LANCL2: variants seen among roughly 807,000 people sequenced by gnomAD.
LANCL2 encodes the protein lanC-like protein 2.
A neutral mutation model predicts 56.9 loss-of-function variants in LANCL2; 33 were observed. The observed-to-expected ratio is 0.58, with a 90% CI of 0.44 to 0.78. LANCL2 has a LOEUF of 0.78. Ranked by LOEUF, LANCL2 falls within the 30% of genes least tolerant of loss-of-function variation. LANCL2 has a pLI of 0.00. For missense variants in LANCL2, 562 were observed against 580.2 expected (o/e 0.97, Z 0.32); for synonymous variants, 233 against 228.2 (o/e 1.02, Z -0.19).
intron 1 of LANCL2, among the ~76,000 whole-genome samples, chr7:55,386,935 C>T (rs1790132204): frequency 6.6e-6 from 1 of 152,124 alleles, no homozygotes; most frequent in South Asian, 2.1e-4. Flanking sequence ...TCAGCTGAAT[C>T]CCAGGGAAAT....
In LANCL2 at chr7:55,366,070, G is replaced by C; in HGVS notation, c.45G>C (p.Gly15=). ...MSKRLKLHLG[G]EAEMEERAFV... is the part of the protein sequence containing the mutation. Reference sequence around the variant, plus strand: ...AGAGGCTGAAGCTCCACCTGGGAGGGGAGGCAGAAATGGAGGAACGGGCGT... The same window carrying C: ...AGAGGCTGAAGCTCCACCTGGGAGGCGAGGCAGAAATGGAGGAACGGGCGT... The change falls in exon 1 of 9, where the codon GGG becomes GGC. Residue 15 remains glycine, a synonymous_variant. Coordinates refer to ENST00000254770, the MANE Select transcript of LANCL2 (RefSeq NM_018697.4). 1 of 1,528,626 alleles carries C rather than the reference G, an allele frequency of 6.5e-7. No homozygotes were observed. The highest frequency in any genetic ancestry group is 8.8e-7 in the Non-Finnish European group (1 of 1,133,726). The allele number at this position is 1,528,626 out of a possible 1,614,324, so 94.7% of individuals were successfully genotyped here. A position where few individuals can be genotyped will look rare whatever the true frequency, so the allele number is the denominator to read the frequency against.
intron 5 of LANCL2, among the ~76,000 whole-genome samples, chr7:55,406,454 C>T (rs1195479801): frequency 1.3e-5 from 2 of 152,162 alleles, no homozygotes; most frequent in East Asian, 3.9e-4. Context: ...TCCCGCTTAG[C>T]CCTTAGGGCA....
At chr7:55,367,549 A>C (rs980820882) in intron 1 of LANCL2, among the ~76,000 whole-genome samples, 2 of 152,198 alleles carry the variant, frequency 1.3e-5, no homozygotes, top group Non-Finnish European at 2.9e-5. Context: ...ACATGGCAAA[A>C]CACCGTCTCT....
At chr7:55,385,110 CTG>C (rs1367414483) in intron 1 of LANCL2, among the ~76,000 whole-genome samples, 3 of 152,122 alleles carry the variant, frequency 2.0e-5, no homozygotes, top group East Asian at 1.9e-4. Flanking sequence ...TCGCTTGACT[CTG>C]TGAGGCAGAC....
chr7:55,393,800 A>G (rs1583750872), intron 2 of LANCL2, among the ~76,000 whole-genome samples: 1 of 152,354 alleles, frequency 6.6e-6, no homozygotes, highest in East Asian at 1.9e-4. Context: ...ATAAACCCAG[A>G]CAGACATGGA....
chr7:55,373,647 G>A (rs1239543068), intron 1 of LANCL2, among the ~76,000 whole-genome samples: 1 of 152,140 alleles, frequency 6.6e-6, no homozygotes, highest in Non-Finnish European at 1.5e-5. Context: ...TAAGAACGCA[G>A]TAGGTAGTAA....
intron 1 of LANCL2, among the ~76,000 whole-genome samples, chr7:55,386,600 T>G (rs1183691433): frequency 1.3e-5 from 2 of 152,222 alleles, no homozygotes; most frequent in Non-Finnish European, 1.5e-5. Flanking sequence ...CTACATGTTC[T>G]GGACCCTGAA....
At chr7:55,368,212 A>C (rs1789896990) in intron 1 of LANCL2, among the ~76,000 whole-genome samples, 2 of 152,236 alleles carry the variant, frequency 1.3e-5, no homozygotes, top group Non-Finnish European at 1.5e-5. Flanking sequence ...TTCAACTCAA[A>C]GTTTTGAAAT....
At chr7:55,375,258 T>G (rs1789987988) in intron 1 of LANCL2, among the ~76,000 whole-genome samples, 1 of 152,232 alleles carries the variant, frequency 6.6e-6, no homozygotes, top group Non-Finnish European at 1.5e-5. Context: ...CAGTTGTATT[T>G]CCTCAAACTA....
chr7:55,391,772 A>C (rs779409310), intron 1 of LANCL2, 21 bp from the exon 2 acceptor site: 1 of 1,285,074 alleles, frequency 7.8e-7, no homozygotes. Flanking sequence ...AGTTAAAGTT[A>C]TCTCTTCTTT....
chr7:55,389,788 GA>G (rs1472180065), intron 1 of LANCL2, among the ~76,000 whole-genome samples: 1 of 152,204 alleles, frequency 6.6e-6, no homozygotes, highest in South Asian at 2.1e-4. Flanking sequence ...TATAAAAGGG[GA>G]AAAGGCAGTT....
At chr7:55,378,062 GT>G (rs1562857094) in intron 1 of LANCL2, among the ~76,000 whole-genome samples, 1 of 152,168 alleles carries the variant, frequency 6.6e-6, no homozygotes, top group African/African-American at 2.4e-5. Context: ...GTAAGCCTTG[GT>G]TTTCTTACCT....
In LANCL2 at chr7:55,415,621, C is replaced by CTTTTTTTTTTTTTTTT. The variant is rs71031852; in HGVS notation, c.1008+3540_1008+3541insTTTTTTTTTTTTTTTT. ...CCATAGTTTATCATTGTTTTTCTTT[C>CTTTTTTTTTTTTTTTT]TTTTTTTTGAGACACAGTGTCGCTC... On this transcript the variant is annotated intron_variant, in intron 6 of 8. Coordinates refer to ENST00000254770, the MANE Select transcript of LANCL2 (RefSeq NM_018697.4). Among the ~76,000 whole-genome samples, 28 of 111,784 alleles carry CTTTTTTTTTTTTTTTT rather than the reference C, an allele frequency of 2.5e-4. 8 individuals are homozygous for CTTTTTTTTTTTTTTTT. Among genetic ancestry groups the CTTTTTTTTTTTTTTTT allele is most frequent in the East Asian group, 5.6e-4 (2 of 3,558 alleles). The allele number at this position is 111,784 out of a possible 152,430, so 73.3% of individuals were successfully genotyped here.
chr7:55,414,713 C>T (rs527700617), intron 6 of LANCL2, among the ~76,000 whole-genome samples: 5 of 152,152 alleles, frequency 3.3e-5, no homozygotes, highest in African/African-American at 9.6e-5. Flanking sequence ...GACACTGTGG[C>T]TCACACCTGT....
At chr7:55,380,206 G>T (rs567627058) in intron 1 of LANCL2, among the ~76,000 whole-genome samples, 1 of 152,146 alleles carries the variant, frequency 6.6e-6, no homozygotes, top group Non-Finnish European at 1.5e-5. Context: ...GGGGAAAGTC[G>T]TATTCAGTAC....
rs7796351 is a variant in LANCL2 at position 55,388,713 on chromosome 7, C to A, written c.205-3080C>A. On this transcript the variant is annotated intron_variant, in intron 1 of 8. Transcript: ENST00000254770. The stretch of plus-strand genomic sequence containing the variant: ...TACATGGTATAGGACGAATTTTTCC[C>A]ATCTCTTCAAGTCACCACTTAAGGT... Among the ~76,000 whole-genome samples the A allele has an allele frequency of 7.2e-5, 11 of 152,176 alleles. No homozygotes were observed. In the South Asian group the frequency reaches 2.1e-3, roughly 29 times the overall value.
At chr7:55,430,459 G>A (rs1339183414) in intron 8 of LANCL2, among the ~76,000 whole-genome samples, 4 of 152,168 alleles carry the variant, frequency 2.6e-5, no homozygotes, top group Non-Finnish European at 1.5e-5. Flanking sequence ...GGTTACCTCT[G>A]GGGGGACCAC....
At chr7:55,421,595 G>C (rs1379560387) in intron 6 of LANCL2, among the ~76,000 whole-genome samples, 1 of 152,012 alleles carries the variant, frequency 6.6e-6, no homozygotes, top group Admixed American at 6.6e-5. Flanking sequence ...CGCCAGCCTC[G>C]GCCTCCCTAA....
In LANCL2 at chr7:55,431,261, C is replaced by G. The variant is rs1206478351; in HGVS notation, c.1294C>G (p.Leu432Val). Residue 432 changes from leucine (L) to valine (V), a missense_variant, in exon 9 of 9, where the codon CTG (leucine) becomes GTG (valine). This residue lies in a region of LANCL2 where 378 missense variants were observed against 468.4 expected (regional missense o/e 0.81). Transcript: ENST00000254770. ...CGCTATTCACTTTCTCTCTGATGTCCTGGGACCAGAGACATCACGGTTTCC... is the reference window on the plus strand; with the variant it reads ...CGCTATTCACTTTCTCTCTGATGTCGTGGGACCAGAGACATCACGGTTTCC... Reference protein sequence around the residue: ...AGAIHFLSDVLGPETSRFPAF... With the variant: ...AGAIHFLSDVVGPETSRFPAF... 6.2e-7 allele frequency: 1 copy of G among 1,613,802 alleles called. No individual in the cohort carries two copies. Among genetic ancestry groups the G allele is most frequent in the Admixed American group, 1.7e-5 (1 of 59,908 alleles).
Sources: allele counts gnomAD v4.1 joint callset (sites outside exome capture counted in the v4.1 genomes callset), GRCh38; gene constraint gnomAD v4.1.1; regional missense constraint gnomAD v4.1.1; transcripts MANE v1.5; gene names NCBI Gene and HGNC (gene_info 2026-07-23, HGNC 2026-07-21).